Variants in RBFOX1 observed in about 807,000 individuals in gnomAD.
RBFOX1 encodes RNA binding fox-1 homolog 1, also known as RNA binding protein fox-1 homolog 1.
Under a neutral mutation model 57.7 loss-of-function variants are expected in RBFOX1, and 8 were observed. The ratio of observed to expected loss-of-function variants is 0.14; its 90% CI spans 0.08 to 0.25. RBFOX1 has a LOEUF of 0.25. Among genes scored for constraint, RBFOX1 ranks in the 10% least tolerant of loss-of-function variants. The pLI is 1.00. For synonymous variants in RBFOX1, 326 were observed against 222.4 expected, an observed-to-expected ratio of 1.47 and a Z score of -4.15; for missense variants, 611 against 548.5, an observed-to-expected ratio of 1.11 and a Z score of -1.14.
chr16:5,779,562 C>T (rs1373345450), intron 3 of RBFOX1, among the ~76,000 whole-genome samples: 1 of 152,164 alleles, frequency 6.6e-6, no homozygotes, highest in East Asian at 1.9e-4. Context: ...TATCCCTATA[C>T]CTTTGTGGGT....
At chr16:7,273,260 T>TCCTCCCTTCCTTCCTCCCTTCCTC (rs2095373766) in intron 4 of RBFOX1, among the ~76,000 whole-genome samples, 1 of 121,314 alleles carries the variant, frequency 8.2e-6, no homozygotes, top group Admixed American at 8.4e-5. Flanking sequence ...CTTCCTTCCT[T>TCCTCCCTTCCTTCCTCCCTTCCTC]CCTCCCTTTC....
chr16:7,481,014 T>C (rs1052653738), intron 4 of RBFOX1, among the ~76,000 whole-genome samples: 5 of 152,186 alleles, frequency 3.3e-5, no homozygotes, highest in Non-Finnish European at 5.9e-5. Context: ...CCAAGTGATA[T>C]GGCCAAAGAA....
chr16:7,352,060 C>T (rs2097138915), intron 4 of RBFOX1, among the ~76,000 whole-genome samples: 1 of 152,080 alleles, frequency 6.6e-6, no homozygotes, highest in South Asian at 2.1e-4. Flanking sequence ...AATAATATGT[C>T]ACGCTGTAGG....
In RBFOX1 at chr16:7,141,948, G is replaced by T. The variant is rs575260614; in HGVS notation, c.27+89850G>T. Among the ~76,000 whole-genome samples the T allele has an allele frequency of 3.3e-5, 5 of 152,112 alleles. No individual in the cohort carries two copies. In the South Asian group the frequency reaches 1.0e-3, roughly 32 times the overall value. On this transcript the variant is annotated intron_variant, in intron 4 of 15. Transcript: ENST00000550418. ...CCTTCCCCCTTAAGATGTTTCAGCG[G>T]GATCCTATTTCTTATTTTCCTTCTC...
Position 7,712,576 on chromosome 16 carries a change from C to T in RBFOX1, c.*1831C>T, listed in dbSNP as rs995221277. 9 of 152,484 alleles carry T rather than the reference C, an allele frequency of 5.9e-5. No individual in the cohort carries two copies. The highest frequency in any genetic ancestry group is 2.2e-4 in the African/African-American group (9 of 41,392). The allele number at this position is 152,484 out of a possible 1,614,324, so 9.4% of individuals were successfully genotyped here. On this transcript the variant is annotated 3_prime_UTR_variant, in exon 16 of 16. Coordinates refer to ENST00000550418, the MANE Select transcript of RBFOX1 (RefSeq NM_018723.4). ...AGAGAAAAGGGGGAGGGGGGAGCTACTTATCAGCCAAAAGCATATAAAGTG... is the reference window on the plus strand; with the variant it reads ...AGAGAAAAGGGGGAGGGGGGAGCTATTTATCAGCCAAAAGCATATAAAGTG...
chr16:6,859,111 G>GTGTATATA (rs1383584385), intron 3 of RBFOX1, among the ~76,000 whole-genome samples: 3 of 65,126 alleles, frequency 4.6e-5, no homozygotes, highest in African/African-American at 1.5e-4. Flanking sequence ...TAAAAAAAGT[G>GTGTATATA]TATATATATA....
At chr16:6,869,946 T>C (rs755739646) in intron 3 of RBFOX1, among the ~76,000 whole-genome samples, 2 of 152,214 alleles carry the variant, frequency 1.3e-5, no homozygotes, top group African/African-American at 4.8e-5. Flanking sequence ...TCTTGGGGAC[T>C]GCTTACTAAT....
At chr16:6,607,240 C>T (rs1272770940) in intron 2 of RBFOX1, among the ~76,000 whole-genome samples, 1 of 152,046 alleles carries the variant, frequency 6.6e-6, no homozygotes, top group Admixed American at 6.5e-5. Context: ...GTGCTTTGAA[C>T]CATCTTGGAA....
intron 3 of RBFOX1, among the ~76,000 whole-genome samples, chr16:5,823,270 T>G (rs1461524717): frequency 6.6e-6 from 1 of 152,076 alleles, no homozygotes; most frequent in Non-Finnish European, 1.5e-5. Context: ...TTGATAACTA[T>G]TTTGGAAGTG....
At chr16:6,075,654 T>C (rs535990466) in intron 1 of RBFOX1, among the ~76,000 whole-genome samples, 1 of 152,218 alleles carries the variant, frequency 6.6e-6, no homozygotes. Context: ...TTTTGTGATA[T>C]TAATCCAGTG....
intron 2 of RBFOX1, among the ~76,000 whole-genome samples, chr16:6,560,311 A>G (rs2097163395): frequency 1.4e-5 from 2 of 145,786 alleles, no homozygotes; most frequent in South Asian, 2.3e-4. Context: ...AGAAAACCAA[A>G]ACAGAAAAGG....
At chr16:7,579,983 A>AT in intron 6 of RBFOX1, 63 bp downstream of exon 6, 5 of 1,559,890 alleles carry the variant, frequency 3.2e-6, no homozygotes, top group Non-Finnish European at 4.4e-6. Context: ...TCCCTGTCTC[A>AT]TGTAAGTTTG....
At chr16:7,409,440 C>A (rs577969653) in intron 4 of RBFOX1, among the ~76,000 whole-genome samples, 3 of 152,298 alleles carry the variant, frequency 2.0e-5, no homozygotes, top group African/African-American at 4.8e-5. Context: ...GCATTTCTTT[C>A]CCCGTCCCCA....
chr16:6,615,876 G>A (rs1205013741), intron 2 of RBFOX1, among the ~76,000 whole-genome samples: 1 of 152,100 alleles, frequency 6.6e-6, no homozygotes, highest in Non-Finnish European at 1.5e-5. Flanking sequence ...TTCCTTGCTC[G>A]CGAATCCTCA....
intron 1 of RBFOX1, among the ~76,000 whole-genome samples, chr16:6,087,043 T>C (rs2096096201): frequency 6.6e-6 from 1 of 152,002 alleles, no homozygotes; most frequent in Non-Finnish European, 1.5e-5. Flanking sequence ...TGATGTGGAG[T>C]GAGACGGATT....
rs1567788630 is a variant in RBFOX1 at position 6,256,245 on chromosome 16, ATGTATATATATGTG to A, written c.-126-60748_-126-60735del. ...TGTATATATATATGTGTATATATAT[ATGTATATATATGTG>A]TATATATATATGTATATATATATGT... On this transcript the variant is annotated intron_variant, in intron 1 of 15. Coordinates refer to ENST00000550418, the MANE Select transcript of RBFOX1 (RefSeq NM_018723.4). 1.9e-3 allele frequency among the ~76,000 whole-genome samples: 152 copies of A among 79,484 alleles called. 3 individuals are homozygous for A. Among genetic ancestry groups the A allele is most frequent in the African/African-American group, 7.2e-3 (132 of 18,308 alleles). The allele number at this position is 79,484 out of a possible 152,430, so 52.1% of individuals were successfully genotyped here.
chr16:6,166,964 G>A (rs543330986), intron 1 of RBFOX1, among the ~76,000 whole-genome samples: 2 of 152,068 alleles, frequency 1.3e-5, no homozygotes, highest in Non-Finnish European at 2.9e-5. Context: ...TAATAGAGTC[G>A]GGGTTTCACT....
intron 4 of RBFOX1, among the ~76,000 whole-genome samples, chr16:5,950,223 C>T (rs1597920698): frequency 1.3e-5 from 2 of 152,192 alleles, no homozygotes; most frequent in Admixed American, 6.5e-5. Flanking sequence ...TCAAGGCAGA[C>T]AGCAGAACAT....
intron 4 of RBFOX1, among the ~76,000 whole-genome samples, chr16:7,096,296 C>G (rs1197083136): frequency 1.3e-5 from 2 of 152,118 alleles, no homozygotes; most frequent in Non-Finnish European, 2.9e-5. Flanking sequence ...TCTGAGAAGT[C>G]CAAAGATGAC....
Sources: gnomAD v4.1 joint callset for allele counts (sites outside exome capture counted in the v4.1 genomes callset) on GRCh38, gnomAD v4.1.1 for gene constraint, MANE v1.5 for transcripts, NCBI Gene and HGNC (gene_info 2026-07-23, HGNC 2026-07-21) for gene names.